Variants in COL5A3 observed in about 807,000 individuals in gnomAD.
COL5A3 encodes the protein collagen alpha-3(V) chain.
Under a neutral mutation model 250.0 loss-of-function variants are expected in COL5A3, and 172 were observed. The observed-to-expected ratio is 0.69, with a 90% CI of 0.61 to 0.78. The LOEUF (loss-of-function observed/expected upper bound fraction) is 0.78. Ranked by LOEUF, COL5A3 falls within the 30% of genes least tolerant of loss-of-function variation. The pLI, the probability that COL5A3 is intolerant of heterozygous loss-of-function variation, is 0.00. For synonymous variants in COL5A3, 937 were observed against 900.4 expected, an observed-to-expected ratio of 1.04 and a Z score of -0.73; for missense variants, 2,340 against 2,334.4, an observed-to-expected ratio of 1.00 and a Z score of -0.05.
At chr19:9,994,373 C>T (rs550316426) in intron 16 of COL5A3, among the ~76,000 whole-genome samples, 7 of 150,606 alleles carry the variant, frequency 4.6e-5, no homozygotes, top group East Asian at 2.0e-4. Context: ...GTGTAGAGAC[C>T]GGGTTTTGCC....
intron 45 of COL5A3, among the ~76,000 whole-genome samples, 170 bp downstream of exon 45, chr19:9,976,388 T>G (rs780806712): frequency 2.8e-5 from 4 of 144,984 alleles, no homozygotes; most frequent in Non-Finnish European, 6.1e-5. Context: ...ATGGTTGGGT[T>G]GGGATTGACT....
rs1236528861 is a variant in COL5A3, at chr19:9,968,879, A to T, written c.4153-151T>A. 4.2e-6 allele frequency: 3 copies of T among 715,992 alleles called. No individual in the cohort carries two copies. In the African/African-American group the frequency reaches 5.4e-5, roughly 13 times the overall value. 44.4% of individuals were successfully genotyped at this position (715,992 alleles called of 1,614,324 possible). The stretch of plus-strand genomic sequence containing the variant: ...AAGGGATGGTCAGAGTAGGCCACCA[A>T]GGTGGGATGATGAGAGCTAATGAGG... On this transcript the variant is annotated intron_variant, in intron 57 of 66. Coordinates refer to ENST00000264828, the MANE Select transcript of COL5A3 (RefSeq NM_015719.4). The surrounding 1 kb of genome is among the most constrained non-coding windows in gnomAD (Gnocchi z 4.1).
chr19:9,998,877 G>A (rs752829905), intron 8 of COL5A3, among the ~76,000 whole-genome samples: 54 of 151,770 alleles, frequency 3.6e-4, no homozygotes, highest in Non-Finnish European at 5.9e-4. Context: ...TAGAGACCAG[G>A]TTTCACCATG....
At chr19:9,973,651 G>A (rs867043732) in intron 49 of COL5A3, 28 bp from the exon 50 acceptor site, 1 of 1,612,032 alleles carries the variant, frequency 6.2e-7, no homozygotes, top group Non-Finnish European at 8.5e-7. Context: ...AGAGTGGGGA[G>A]AGGTCCCATC....
In COL5A3 at chr19:9,989,153, G is replaced by A. The variant is rs759954940; in HGVS notation, c.2116C>T (p.Pro706Ser). Residue 706 changes from proline to serine, a missense_variant, in exon 27 of 67, where the codon CCG becomes TCG. By Grantham distance (74) the Pro-to-Ser change is moderately conservative (BLOSUM62 -1). Transcript: ENST00000264828. ...ACTCCCCGAGGTCCAGGATAGCCCGGAGGGCCTGCCGACCCTGGTGGACCC... is the reference window on the plus strand; with the variant it reads ...ACTCCCCGAGGTCCAGGATAGCCCGAAGGGCCTGCCGACCCTGGTGGACCC... ...AQGPPGSAGP[P>S]GYPGPRGVKG... The A allele has an allele frequency of 6.2e-7, 1 of 1,614,214 alleles. No homozygotes were observed. The highest frequency in any genetic ancestry group is 8.5e-7 in the Non-Finnish European group (1 of 1,180,040).
chr19:9,995,994 C>A (rs1022517958), intron 15 of COL5A3, 72 bp downstream of exon 15: 2 of 1,382,010 alleles, frequency 1.4e-6, no homozygotes, highest in African/African-American at 2.9e-5. Flanking sequence ...CTTTCCCCAT[C>A]CAGCACTGTA....
In COL5A3 at chr19:10,001,658, G is replaced by T. The variant is rs367666231; in HGVS notation, c.976C>A (p.Pro326Thr). The change falls in exon 8 of 67, where the codon CCT (proline) becomes ACT (threonine). Residue 326 changes from proline (P) to threonine (T), a missense_variant. This residue lies in a region of COL5A3 where 1,152 missense variants were observed against 1,146.3 expected (regional missense o/e 1.00). Coordinates refer to ENST00000264828, the MANE Select transcript of COL5A3 (RefSeq NM_015719.4). ...NATILERSLDPDSGTELGTLE... is the reference protein window; with the variant it reads ...NATILERSLDTDSGTELGTLE... ...GTCCCCAGCTCGGTTCCACTGTCAGGGTCCAAGCTCCTCTGAGAACGTTAG... is the reference window on the plus strand; with the variant it reads ...GTCCCCAGCTCGGTTCCACTGTCAGTGTCCAAGCTCCTCTGAGAACGTTAG... 7.7e-5 allele frequency: 125 copies of T among 1,613,762 alleles called. No homozygotes were observed. The highest frequency in any genetic ancestry group is 3.8e-4 in the East Asian group (17 of 44,882).
In COL5A3 at chr19:9,985,743, G is replaced by A. The variant is rs996221235; in HGVS notation, c.2406+99C>T. 4 of 1,086,636 alleles carry A rather than the reference G, an allele frequency of 3.7e-6. No homozygotes were observed. In the Admixed American group the frequency reaches 5.6e-5, roughly 15 times the overall value. The allele number at this position is 1,086,636 out of a possible 1,614,324, so 67.3% of individuals were successfully genotyped here. On this transcript the variant is annotated intron_variant, in intron 31 of 66. Coordinates refer to ENST00000264828, the MANE Select transcript of COL5A3 (RefSeq NM_015719.4). ...TTACATTCTCTCAGTGACCCTTGGG[G>A]TGGGCAGCTCATCCCCCAAGACCAC...
intron 27 of COL5A3, among the ~76,000 whole-genome samples, chr19:9,988,855 A>AAAAAAAGAGAGAGAGAGAAAGAAAG (rs1269531312): frequency 9.5e-6 from 1 of 104,764 alleles, no homozygotes; most frequent in Non-Finnish European, 1.8e-5. Flanking sequence ...AAAAAAAAAA[A>AAAAAAAGAGAGAGAGAGAAAGAAAG]AAAGAAAGTA....
At chr19:9,986,956 G>C (rs79931051) in intron 27 of COL5A3, among the ~76,000 whole-genome samples, 198 bp from the exon 28 acceptor site, 1 of 152,144 alleles carries the variant, frequency 6.6e-6, no homozygotes, top group African/African-American at 2.4e-5. Context: ...TCATCTGTGC[G>C]GGGGTGTGCA....
chr19:9,979,926 G>C (rs748695727), intron 36 of COL5A3, 34 bp from the exon 37 acceptor site: 2 of 1,573,204 alleles, frequency 1.3e-6, no homozygotes, highest in Non-Finnish European at 8.6e-7. Context: ...TTGGGGCACA[G>C]ATACAGGGCT....
At chr19:9,969,226 G>A in intron 57 of COL5A3, 123 bp downstream of exon 57, 1 of 809,108 alleles carries the variant, frequency 1.2e-6, no homozygotes. Flanking sequence ...GTAGAGACAG[G>A]CAGTATGGAC....
Position 9,968,148 on chromosome 19 carries a change from G to T in COL5A3, c.4315-69C>A, listed in dbSNP as rs2145058893. ...TTGCCCTGACACATCCCCCAGACAA[G>T]CCTTCAATCCTACCAAAGGAAGACC... On this transcript the variant is annotated intron_variant, in intron 59 of 66. Transcript: ENST00000264828. The surrounding 1 kb of genome is among the most constrained non-coding windows in gnomAD (Gnocchi z 4.1). 7.0e-7 allele frequency: 1 copy of T among 1,438,502 alleles called. No individual in the cohort carries two copies. Among genetic ancestry groups the T allele is most frequent in the Non-Finnish European group, 9.5e-7 (1 of 1,048,840 alleles). 89.1% of individuals were successfully genotyped at this position (1,438,502 alleles called of 1,614,324 possible). A position where few individuals can be genotyped will look rare whatever the true frequency, so the allele number is the denominator to read the frequency against.
chr19:10,000,876 G>T (rs551137829), intron 8 of COL5A3, among the ~76,000 whole-genome samples: 1 of 152,252 alleles, frequency 6.6e-6, no homozygotes, highest in East Asian at 1.9e-4. Context: ...TCACTTATAA[G>T]TGGGAGCTAA....
chr19:10,009,556 G>A lies in COL5A3; in HGVS notation c.88+742C>T, dbSNP rs1353638314. ...CCCGCCCCGTCTCGCCCCTCACCGC[G>A]GCCCTCCCCGAAGCCCTGTCCATGG... On this transcript the variant is annotated intron_variant, in intron 1 of 66. Coordinates refer to ENST00000264828, the MANE Select transcript of COL5A3 (RefSeq NM_015719.4). The surrounding 1 kb of genome is among the most constrained non-coding windows in gnomAD (Gnocchi z 4.4). 1.3e-5 allele frequency among the ~76,000 whole-genome samples: 2 copies of A among 152,144 alleles called. No individual in the cohort carries two copies. The highest frequency in any genetic ancestry group is 2.1e-4 in the South Asian group (1 of 4,824).
At position 9,993,381 on chromosome 19, in the gene COL5A3, CT is replaced by C. The variant is rs1354215482; in HGVS notation, c.1747del (p.Arg583GlyfsTer36). 1 of 1,614,044 alleles carries C rather than the reference CT, an allele frequency of 6.2e-7. No homozygotes were observed. The highest frequency in any genetic ancestry group is 1.3e-5 in the African/African-American group (1 of 74,938). Reference sequence around the variant, plus strand: ...GCCCTAACTCTCTTCCAAACTTACCCTCTCACCATCCTCTCCTGGGGGACCG... The same window carrying C: ...GCCCTAACTCTCTTCCAAACTTACCCCTCACCATCCTCTCCTGGGGGACCG... ...QPGPPGEDGE[R>X]GAEGPPGPTG... On this transcript the variant is annotated frameshift_variant and splice_region_variant, in exon 19 of 67. Coordinates refer to ENST00000264828, the MANE Select transcript of COL5A3 (RefSeq NM_015719.4). LOFTEE classifies it high-confidence loss of function.
Position 9,971,240 on chromosome 19 carries a change from C to T in COL5A3, c.3793G>A (p.Gly1265Arg), listed in dbSNP as rs1236674962. 19 of 1,562,470 alleles carry T rather than the reference C, an allele frequency of 1.2e-5. No individual in the cohort carries two copies. The highest frequency in any genetic ancestry group is 1.7e-4 in the Middle Eastern group (1 of 5,946). ...KGSVGPTGLP[G>R]DLGPPGDPGV... ...GGGTCTCCTGGGGGCCCTAGATCTC[C>T]GGGCAGCCCCGTGGGGCCCTGGAAC... The change falls in exon 52 of 67, where the codon GGA becomes AGA. Residue 1265 changes from glycine (G) to arginine (R), a missense_variant. Physicochemically the swap from Gly to Arg is moderately radical, Grantham distance 125. Around this residue, in one of 3 missense-constraint regions of COL5A3, gnomAD observed 1,179 missense variants for 1,162.6 expected, o/e 1.01. Transcript: ENST00000264828.
chr19:9,964,121 C>G (rs2086707303), intron 64 of COL5A3, among the ~76,000 whole-genome samples: 1 of 152,082 alleles, frequency 6.6e-6, no homozygotes, highest in Non-Finnish European at 1.5e-5. Flanking sequence ...TGCAGTGAAC[C>G]AAGATCACGC....
chr19:10,000,555 C>T (rs1314048794), intron 8 of COL5A3, among the ~76,000 whole-genome samples: 3 of 150,324 alleles, frequency 2.0e-5, no homozygotes, highest in Admixed American at 6.7e-5. Context: ...GCCTCAGCCG[C>T]CCAAAGCATT....
Sources: allele counts gnomAD v4.1 joint callset (sites outside exome capture counted in the v4.1 genomes callset), GRCh38; gene constraint gnomAD v4.1.1; regional missense constraint gnomAD v4.1.1; non-coding constraint Gnocchi (gnomAD v3.1); transcripts MANE v1.5; gene names NCBI Gene and HGNC (gene_info 2026-07-23, HGNC 2026-07-21).